Variants in CTBP2 observed in about 807,000 individuals in gnomAD.
CTBP2 encodes C-terminal-binding protein 2.
CTBP2 carries 30 observed loss-of-function variants against 80.3 expected under a neutral mutation model. The observed-to-expected ratio is 0.37, with a 90% CI of 0.28 to 0.51. The LOEUF (loss-of-function observed/expected upper bound fraction) is 0.51, where lower values mean the gene tolerates loss of function less well. Among genes scored for constraint, CTBP2 ranks in the 20% least tolerant of loss-of-function variants. The pLI is 0.93. For missense variants in CTBP2, 1,212 were observed against 1,375.3 expected (o/e 0.88, Z 1.88); for synonymous variants, 594 against 587.4 (o/e 1.01, Z -0.16).
chr10:125,001,787 C>T (rs963335925), intron 3 of CTBP2, among the ~76,000 whole-genome samples: 2 of 152,188 alleles, frequency 1.3e-5, no homozygotes, highest in African/African-American at 2.4e-5. Context: ...CCAGTGCTTC[C>T]GGTACCTGGG....
chr10:125,042,847 T>C (rs907214527), intron 2 of CTBP2, among the ~76,000 whole-genome samples: 3 of 151,844 alleles, frequency 2.0e-5, no homozygotes, highest in African/African-American at 7.3e-5. Flanking sequence ...AGGAAAGCTG[T>C]ATCTTTTCAA....
intron 1 of CTBP2, among the ~76,000 whole-genome samples, chr10:125,130,023 A>C (rs1755467345): frequency 6.7e-6 from 1 of 148,312 alleles, no homozygotes; most frequent in South Asian, 2.2e-4. Flanking sequence ...CCCCAGGTAT[A>C]GCCCACAGGA....
intron 2 of CTBP2, among the ~76,000 whole-genome samples, chr10:125,109,778 G>C (rs1852008104): frequency 6.6e-6 from 1 of 152,200 alleles, no homozygotes; most frequent in Non-Finnish European, 1.5e-5. Context: ...GGGTGGGGAG[G>C]GTCCTGGGTA....
At chr10:125,094,499 G>A (rs963251299) in intron 2 of CTBP2, among the ~76,000 whole-genome samples, 3 of 152,216 alleles carry the variant, frequency 2.0e-5, no homozygotes, top group Non-Finnish European at 4.4e-5. Context: ...CTCTGACAAC[G>A]GCTACAGGGT....
chr10:125,072,383 G>C (rs1279324033), intron 2 of CTBP2, among the ~76,000 whole-genome samples: 1 of 152,200 alleles, frequency 6.6e-6, no homozygotes, highest in Admixed American at 6.5e-5. Flanking sequence ...GAGAGGCCAA[G>C]GTGGGTGAAT....
chr10:125,111,766 G>A (rs957798645), intron 1 of CTBP2, among the ~76,000 whole-genome samples: 7 of 152,188 alleles, frequency 4.6e-5, no homozygotes, highest in Non-Finnish European at 5.9e-5. Flanking sequence ...CACATCATCC[G>A]AACTACTTCC....
rs548335206 is a variant in CTBP2 at position 125,060,962 on chromosome 10, C to T, written c.-101-21807G>A. 2.6e-4 allele frequency among the ~76,000 whole-genome samples: 40 copies of T among 152,324 alleles called. No individual in the cohort carries two copies. In the South Asian group the frequency reaches 5.6e-3, roughly 21 times the overall value. On this transcript the variant is annotated intron_variant, in intron 2 of 10. Coordinates refer to the CTBP2 transcript ENST00000337195. ...CAGTTCTCCCTGTTCTGGAATCTTC[C>T]GGTCGGCCCCAGGGGTGCACGCTAG... is the stretch of plus-strand genomic sequence containing the variant.
chr10:125,142,950 T>A (rs1858092016), intron 1 of CTBP2, among the ~76,000 whole-genome samples: 1 of 152,176 alleles, frequency 6.6e-6, no homozygotes, highest in South Asian at 2.1e-4. Flanking sequence ...CACGCGAGCT[T>A]GAAAGGCTCC....
Position 125,027,581 on chromosome 10 carries a change from G to C in CTBP2, c.179C>G (p.Ala60Gly). 1 of 1,614,142 alleles carries C rather than the reference G, an allele frequency of 6.2e-7. No homozygotes were observed. Among genetic ancestry groups the C allele is most frequent in the Non-Finnish European group, 8.5e-7 (1 of 1,180,032 alleles). Residue 60 changes from alanine (A) to glycine (G), a missense_variant, in exon 1 of 9, where the codon GCT becomes GGT. Physicochemically the swap from Ala to Gly is moderately conservative, Grantham distance 60 (BLOSUM62 0). Transcript: ENST00000309035. ...GGGCTCGGCGGCCACGGGCAGGGCA[G>C]CGTCCTGTGGTCGGTGGTTTGGCTC... is the stretch of plus-strand genomic sequence containing the variant.
At chr10:125,123,564 C>T (rs1222722776) in intron 1 of CTBP2, among the ~76,000 whole-genome samples, 1 of 152,198 alleles carries the variant, frequency 6.6e-6, no homozygotes, top group African/African-American at 2.4e-5. Context: ...TCATGCTGGG[C>T]ACTAAGTAGG....
intron 1 of CTBP2, among the ~76,000 whole-genome samples, chr10:125,153,541 C>T (rs149274013): frequency 2.0e-5 from 3 of 152,314 alleles, no homozygotes; most frequent in South Asian, 2.1e-4. Flanking sequence ...AGAGAAACCT[C>T]GAATGCTCTG....
chr10:125,152,074 T>G (rs545311611), intron 1 of CTBP2, among the ~76,000 whole-genome samples: 2 of 148,018 alleles, frequency 1.4e-5, no homozygotes, highest in South Asian at 4.6e-4. Context: ...GGCCGCCAAG[T>G]GCCCTGCGGG....
chr10:125,013,520 C>G (rs1956150509), intron 1 of CTBP2, among the ~76,000 whole-genome samples: 1 of 152,180 alleles, frequency 6.6e-6, no homozygotes, highest in Admixed American at 6.5e-5. Context: ...AGTCAAGTTT[C>G]TGGTAACAAA....
At chr10:124,990,219 ATTT>A (rs1186227691) in intron 8 of CTBP2, among the ~76,000 whole-genome samples, 1 of 151,806 alleles carries the variant, frequency 6.6e-6, no homozygotes, top group East Asian at 1.9e-4. Flanking sequence ...TAATTTTTAT[ATTT>A]TTAGTAGAGA....
intron 2 of CTBP2, among the ~76,000 whole-genome samples, chr10:125,077,942 G>C (rs1022308951): frequency 2.6e-5 from 4 of 152,178 alleles, no homozygotes; most frequent in African/African-American, 4.8e-5. Context: ...GTGCTGATGG[G>C]GGGAGGTGGG....
chr10:125,050,233 G>C (rs1962389769), intron 2 of CTBP2, among the ~76,000 whole-genome samples: 1 of 152,172 alleles, frequency 6.6e-6, no homozygotes, highest in Non-Finnish European at 1.5e-5. Flanking sequence ...TGGGGCACCG[G>C]TACCCTGTCT....
chr10:125,051,826 C>G (rs1392881508), intron 2 of CTBP2, among the ~76,000 whole-genome samples: 1 of 152,122 alleles, frequency 6.6e-6, no homozygotes, highest in Non-Finnish European at 1.5e-5. Flanking sequence ...TCAAATTAAA[C>G]AGGTCATTAG....
Position 125,018,560 on chromosome 10 carries a change from CA to C in CTBP2, c.1678+7521del, listed in dbSNP as rs1565110071. Among the ~76,000 whole-genome samples, 289 of 132,258 alleles carry C rather than the reference CA, an allele frequency of 2.2e-3. 2 individuals carry two copies. The highest frequency in any genetic ancestry group is 7.4e-3 in the African/African-American group (272 of 36,886). The allele number at this position is 132,258 out of a possible 152,430, so 86.8% of individuals were successfully genotyped here. Reference sequence around the variant, plus strand: ...AGACCAAACCAAACCAACCAACAAACAAACAAACAAACAAACAAACAAACAA... The same window carrying C: ...AGACCAAACCAAACCAACCAACAAACAACAAACAAACAAACAAACAAACAA... On this transcript the variant is annotated intron_variant, in intron 1 of 8. Transcript: ENST00000309035.
At chr10:125,012,116 G>A (rs72830824) in intron 1 of CTBP2, among the ~76,000 whole-genome samples, 11,351 of 151,880 alleles carry the variant, frequency 0.075, 560 homozygotes, top group Admixed American at 0.14. Flanking sequence ...TTCCCACAGC[G>A]AAGCAGCCAA....
Sources: allele counts gnomAD v4.1 joint callset (sites outside exome capture counted in the v4.1 genomes callset), GRCh38; gene constraint gnomAD v4.1.1; transcripts MANE v1.5; gene names NCBI Gene and HGNC (gene_info 2026-07-23, HGNC 2026-07-21).